The following FUT2 variants were observed in gnomAD, a reference collection of about 807,000 sequenced individuals.
The protein encoded by FUT2 is fucosyltransferase 2 (H blood group).
For missense variants in FUT2, 419 were observed against 465.8 expected, an observed-to-expected ratio of 0.90 and a Z score of 0.93; for synonymous variants, 182 against 193.1, an observed-to-expected ratio of 0.94 and a Z score of 0.48.
chr19:48,699,128 G>C (rs1049210740), intron 1 of FUT2, among the ~76,000 whole-genome samples: 12 of 151,902 alleles, frequency 7.9e-5, no homozygotes, highest in African/African-American at 2.9e-4. Context: ...TGTATTTAAG[G>C]CAAGTGTTGA....
chr19:48,703,619 ATACC>A lies in FUT2; in HGVS notation c.667_670del (p.Leu223SerfsTer63), dbSNP rs774288452. 6.2e-7 allele frequency: 1 copy of A among 1,613,504 alleles called. No individual in the cohort carries two copies. Among genetic ancestry groups the A allele is most frequent in the Non-Finnish European group, 8.5e-7 (1 of 1,180,012 alleles). On this transcript the variant is annotated frameshift_variant, in exon 2 of 2. Coordinates refer to ENST00000425340, the MANE Select transcript of FUT2 (RefSeq NM_000511.6). LOFTEE classifies it low-confidence loss of function (END_TRUNC). ...GGAAGGGGGTGGTGGCCGACCGGCG[ATACC>A]TACAGCAGGCCCTGGACTGGTTCCG...
chr19:48,702,385 T>C (rs1482952477), intron 1 of FUT2, among the ~76,000 whole-genome samples: 1 of 151,944 alleles, frequency 6.6e-6, no homozygotes, highest in African/African-American at 2.4e-5. Flanking sequence ...CCAGCCCAGG[T>C]GGCAGAGCAA....
rs1218053047 is a variant in FUT2, at chr19:48,704,857, A to G, written c.*869A>G. 2 of 413,184 alleles carry G rather than the reference A, an allele frequency of 4.8e-6. No homozygotes were observed. Among genetic ancestry groups the G allele is most frequent in the Non-Finnish European group, 8.8e-6 (2 of 226,140 alleles). 25.6% of individuals were successfully genotyped at this position (413,184 alleles called of 1,614,324 possible). A position where few individuals can be genotyped will look rare whatever the true frequency, so the allele number is the denominator to read the frequency against. The stretch of plus-strand genomic sequence containing the variant: ...TTAGCCTCAGATTCTGCAGCTGAGA[A>G]GTTGATCAGCCACCTCTGAAGGACA... On this transcript the variant is annotated 3_prime_UTR_variant, in exon 2 of 2. Coordinates refer to ENST00000425340, the MANE Select transcript of FUT2 (RefSeq NM_000511.6).
In FUT2 at chr19:48,705,088, C is replaced by G. The variant is rs138075927; in HGVS notation, c.*1100C>G. 8.1e-6 allele frequency: 1 copy of G among 123,792 alleles called. No individual in the cohort carries two copies. The highest frequency in any genetic ancestry group is 1.9e-5 in the Non-Finnish European group (1 of 52,420). 7.7% of individuals were successfully genotyped at this position (123,792 alleles called of 1,614,324 possible). ...GCATTGTGTCCACCCAGAGAGCTCA[C>G]TGTTTTCTTTTCTTTTTCTTTTCTT... On this transcript the variant is annotated 3_prime_UTR_variant, in exon 2 of 2. Transcript: ENST00000425340.
In FUT2 at chr19:48,704,508, C is replaced by T; in HGVS notation, c.*520C>T. On this transcript the variant is annotated 3_prime_UTR_variant, in exon 2 of 2. Coordinates refer to ENST00000425340, the MANE Select transcript of FUT2 (RefSeq NM_000511.6). ...GCATATCACATAAGACCAGAAGTGG[C>T]CCAGGTCCAGGGTCAGTTAATTTAG... is the stretch of plus-strand genomic sequence containing the variant. 1 of 412,220 alleles carries T rather than the reference C, an allele frequency of 2.4e-6. No homozygotes were observed. The allele number at this position is 412,220 out of a possible 1,614,324, so 25.5% of individuals were successfully genotyped here.
rs544028494 is a variant in FUT2 at position 48,697,894 on chromosome 19, A to G, written c.-3+1805A>G. On this transcript the variant is annotated intron_variant, in intron 1 of 1. Transcript: ENST00000425340. ...TATTTAGTAGAAATGGGGTTTCACC[A>G]TATTAGTCAGGCTGGTCTCGAACTC... 7.9e-5 allele frequency among the ~76,000 whole-genome samples: 12 copies of G among 151,442 alleles called. 1 individual carries two copies. In the South Asian group the frequency reaches 1.5e-3, roughly 19 times the overall value.
intron 1 of FUT2, among the ~76,000 whole-genome samples, chr19:48,697,368 A>AG: frequency 7.1e-6 from 1 of 141,630 alleles, no homozygotes; most frequent in Admixed American, 7.1e-5. Flanking sequence ...AAAAAAAAAA[A>AG]TCTCAGTAAG....
chr19:48,696,353 T>A (rs2032411029), intron 1 of FUT2: 1 of 152,482 alleles, frequency 6.6e-6, no homozygotes. Flanking sequence ...ACCAGCTCCC[T>A]CCCCTTCTCC....
intron 1 of FUT2, among the ~76,000 whole-genome samples, chr19:48,697,560 GAGTGGTGCTTGGTTC>G (rs2032437860): frequency 6.6e-6 from 1 of 152,014 alleles, no homozygotes; most frequent in South Asian, 2.1e-4. Context: ...GGCAGAATGG[GAGTGGTGCTTGGTTC>G]AAGCCTGACA....
At chr19:48,701,593 C>G (rs1318585240) in intron 1 of FUT2, among the ~76,000 whole-genome samples, 1 of 152,106 alleles carries the variant, frequency 6.6e-6, no homozygotes, top group Non-Finnish European at 1.5e-5. Context: ...GCCAGGAGGG[C>G]AGGCAGGCCA....
Position 48,703,306 on chromosome 19 carries a change from C to T in FUT2, c.350C>T (p.Ala117Val). Reference protein sequence around the residue: ...FRITLPVLHSATASRIPWQNY... With the variant: ...FRITLPVLHSVTASRIPWQNY... ...ATCACCCTGCCGGTGCTGCACAGCG[C>T]CACGGCCAGCAGGATCCCCTGGCAG... Residue 117 changes from alanine (A) to valine (V), a missense_variant, in exon 2 of 2, where the codon GCC (alanine) becomes GTC (valine). Physicochemically the swap from Ala to Val is moderately conservative, Grantham distance 64. Coordinates refer to ENST00000425340, the MANE Select transcript of FUT2 (RefSeq NM_000511.6). The T allele has an allele frequency of 1.2e-6, 2 of 1,613,052 alleles. No homozygotes were observed. The highest frequency in any genetic ancestry group is 1.7e-6 in the Non-Finnish European group (2 of 1,180,026).
In FUT2 at chr19:48,703,203, T is replaced by C. The variant is rs1374814195; in HGVS notation, c.247T>C (p.Tyr83His). 3 of 1,613,336 alleles carry C rather than the reference T, an allele frequency of 1.9e-6. No homozygotes were observed. The African/African-American group carries it at 4.0e-5, about 22-fold the overall frequency. The change falls in exon 2 of 2, where the codon TAC becomes CAC. Residue 83 changes from tyrosine to histidine, a missense_variant. Physicochemically the swap from Tyr to His is moderately conservative, Grantham distance 83 (BLOSUM62 2). Coordinates refer to ENST00000425340, the MANE Select transcript of FUT2 (RefSeq NM_000511.6). Reference protein sequence around the residue: ...GNQMGEYATLYALAKMNGRPA... With the variant: ...GNQMGEYATLHALAKMNGRPA... Reference sequence around the variant, plus strand: ...CCAGATGGGCGAGTACGCCACACTGTACGCCCTGGCCAAGATGAACGGGCG... The same window carrying C: ...CCAGATGGGCGAGTACGCCACACTGCACGCCCTGGCCAAGATGAACGGGCG...
rs1358247092 is a variant in FUT2 at position 48,705,110 on chromosome 19, TC to T, written c.*1123del. 2.0e-4 allele frequency: 45 copies of T among 224,226 alleles called. 2 individuals are homozygous for T. Among genetic ancestry groups the T allele is most frequent in the African/African-American group, 5.9e-4 (21 of 35,474 alleles). The allele number at this position is 224,226 out of a possible 1,614,324, so 13.9% of individuals were successfully genotyped here. Reference sequence around the variant, plus strand: ...TCACTGTTTTCTTTTCTTTTTCTTTTCTTTTTTTTTTTTTTTTTGAGATGGA... The same window carrying T: ...TCACTGTTTTCTTTTCTTTTTCTTTTTTTTTTTTTTTTTTTTTGAGATGGA... On this transcript the variant is annotated 3_prime_UTR_variant, in exon 2 of 2. Transcript: ENST00000425340.
chr19:48,704,746 T>C lies in FUT2; in HGVS notation c.*758T>C, dbSNP rs78667713. On this transcript the variant is annotated 3_prime_UTR_variant, in exon 2 of 2. Transcript: ENST00000425340. ...GAAACCTTCCTAAGCCTTCCAGCAA[T>C]TTCCCCCCAACTCCGATGGGTAGGA... The C allele has an allele frequency of 7.3e-6, 3 of 413,336 alleles. No individual in the cohort carries two copies. Among genetic ancestry groups the C allele is most frequent in the Non-Finnish European group, 1.3e-5 (3 of 226,238 alleles). 25.6% of individuals were successfully genotyped at this position (413,336 alleles called of 1,614,324 possible). A position where few individuals can be genotyped will look rare whatever the true frequency, so the allele number is the denominator to read the frequency against.
At chr19:48,697,741 C>A (rs971040697) in intron 1 of FUT2, among the ~76,000 whole-genome samples, 2 of 151,996 alleles carry the variant, frequency 1.3e-5, no homozygotes, top group African/African-American at 4.8e-5. Context: ...GTTGCCCAGG[C>A]TGGCATGCAA....
intron 1 of FUT2, among the ~76,000 whole-genome samples, chr19:48,702,300 G>A (rs1054303866): frequency 5.3e-5 from 8 of 151,888 alleles, no homozygotes; most frequent in South Asian, 2.1e-4. Context: ...CCAACTACTC[G>A]GGAGGCTAAG....
chr19:48,699,719 C>T (rs573170343), intron 1 of FUT2, among the ~76,000 whole-genome samples: 11 of 152,046 alleles, frequency 7.2e-5, no homozygotes, highest in Non-Finnish European at 1.5e-4. Flanking sequence ...TCACACAGCT[C>T]GTGACTGTGA....
At chr19:48,700,241 A>G (rs2032487870) in intron 1 of FUT2, among the ~76,000 whole-genome samples, 1 of 151,490 alleles carries the variant, frequency 6.6e-6, no homozygotes, top group African/African-American at 2.4e-5. Flanking sequence ...CTGCAAGCGG[A>G]CCAGGGTCAG....
chr19:48,702,136 C>T (rs2032527815), intron 1 of FUT2, among the ~76,000 whole-genome samples: 1 of 152,064 alleles, frequency 6.6e-6, no homozygotes, highest in Non-Finnish European at 1.5e-5. Context: ...TGCAGTGGCT[C>T]ACGCCTATAA....
Sources: allele counts gnomAD v4.1 joint callset (sites outside exome capture counted in the v4.1 genomes callset), GRCh38; gene constraint gnomAD v4.1.1; transcripts MANE v1.5; gene names NCBI Gene and HGNC (gene_info 2026-07-23, HGNC 2026-07-21).